Variants in PTPN12 observed in about 807,000 individuals in gnomAD.
The protein encoded by PTPN12 is protein tyrosine phosphatase non-receptor type 12.
PTPN12 carries 29 observed loss-of-function variants against 97.6 expected under a neutral mutation model. That is an observed-to-expected ratio of 0.30 (90% CI 0.22 to 0.41). PTPN12 has a LOEUF of 0.41. PTPN12 is among the 10% of genes least tolerant of loss of function. The pLI is 1.00. For synonymous variants in PTPN12, 327 were observed against 300.4 expected, an observed-to-expected ratio of 1.09 and a Z score of -0.91; for missense variants, 819 against 926.0, an observed-to-expected ratio of 0.88 and a Z score of 1.50.
At chr7:77,634,377 A>G (rs952232618) in intron 14 of PTPN12, among the ~76,000 whole-genome samples, 9 of 152,064 alleles carry the variant, frequency 5.9e-5, no homozygotes, top group African/African-American at 1.2e-4. Context: ...CATTTTACCA[A>G]TATATTAATT....
chr7:77,607,896 G>C (rs1248808544), intron 9 of PTPN12, among the ~76,000 whole-genome samples: 11 of 152,130 alleles, frequency 7.2e-5, no homozygotes, highest in Admixed American at 6.5e-4. Flanking sequence ...TGGGATTACA[G>C]GTGCCTGCCA....
intron 11 of PTPN12, among the ~76,000 whole-genome samples, chr7:77,613,984 C>A (rs546074222): frequency 1.3e-5 from 2 of 152,072 alleles, no homozygotes; most frequent in Admixed American, 6.5e-5. Context: ...CTCAACCTCC[C>A]GGACTCAAGC....
rs781265076 is a variant in PTPN12, at chr7:77,639,274, G to C, written c.2337G>C (p.Trp779Cys). ...PKGPRDPPSE[W>C]T is the part of the protein sequence containing the mutation. ...GACCAAGAGATCCACCTTCAGAATG[G>C]ACATGATTCAGGGAGCTAGAAGACA... The change falls in exon 18 of 18, where the codon TGG becomes TGC. Residue 779 changes from tryptophan (W) to cysteine (C), a missense_variant. Trp to Cys is a radical substitution (Grantham distance 215, BLOSUM62 -2). Coordinates refer to ENST00000248594, the MANE Select transcript of PTPN12 (RefSeq NM_002835.4). 4.3e-6 allele frequency: 7 copies of C among 1,611,820 alleles called. No homozygotes were observed. The African/African-American group carries it at 9.3e-5, about 22-fold the overall frequency.
At chr7:77,638,553 A>C (rs140527116) in intron 16 of PTPN12, 71 bp from the exon 17 acceptor site, 1 of 1,386,178 alleles carries the variant, frequency 7.2e-7, no homozygotes, top group African/African-American at 1.5e-5. Flanking sequence ...AACATTTAAA[A>C]AATTAAAGAG....
At chr7:77,558,909 G>C (rs181506521) in intron 1 of PTPN12, among the ~76,000 whole-genome samples, 3 of 152,164 alleles carry the variant, frequency 2.0e-5, no homozygotes, top group African/African-American at 7.2e-5. Context: ...GCTACTTTGG[G>C]AAGCTGAGGC....
intron 12 of PTPN12, 24 bp from the exon 13 acceptor site, chr7:77,626,681 C>T (rs2151394423): frequency 1.3e-6 from 2 of 1,566,792 alleles, no homozygotes; most frequent in Non-Finnish European, 1.7e-6. Flanking sequence ...CTTAAAATGC[C>T]CTTTTTAAAT....
intron 1 of PTPN12, among the ~76,000 whole-genome samples, chr7:77,569,876 A>G (rs1584122985): frequency 6.6e-6 from 1 of 152,196 alleles, no homozygotes; most frequent in South Asian, 2.1e-4. Context: ...CAATTCAGAG[A>G]CAGGGTCTTG....
chr7:77,600,503 GT>G (rs1483996324), intron 7 of PTPN12, among the ~76,000 whole-genome samples, 160 bp from the exon 8 acceptor site: 5 of 152,072 alleles, frequency 3.3e-5, no homozygotes, highest in Admixed American at 6.6e-5. Context: ...TTTGGCATGT[GT>G]TTAACAGTCA....
rs1208491377 is a variant in PTPN12, at chr7:77,537,721, A to C, written c.99+76A>C. 2.0e-6 allele frequency: 3 copies of C among 1,477,560 alleles called. No homozygotes were observed. The African/African-American group carries it at 4.3e-5, about 21-fold the overall frequency. 91.5% of individuals were successfully genotyped at this position (1,477,560 alleles called of 1,614,324 possible). A position where few individuals can be genotyped will look rare whatever the true frequency, so the allele number is the denominator to read the frequency against. ...CGCCGCCTCTCCCGGCCGGGCCGCC[A>C]GTGCTTTGTGTACCTCTGTGAGGAG... On this transcript the variant is annotated intron_variant, in intron 1 of 17. Transcript: ENST00000248594.
At chr7:77,626,539 G>A (rs542360211) in intron 12 of PTPN12, among the ~76,000 whole-genome samples, 166 bp from the exon 13 acceptor site, 1 of 152,280 alleles carries the variant, frequency 6.6e-6, no homozygotes, top group African/African-American at 2.4e-5. Flanking sequence ...AACAGTATAT[G>A]TGTATTACCT....
intron 1 of PTPN12, among the ~76,000 whole-genome samples, chr7:77,541,625 G>T (rs1806978548): frequency 6.6e-6 from 1 of 152,146 alleles, no homozygotes; most frequent in Non-Finnish European, 1.5e-5. Context: ...CTGTCATAAT[G>T]TATGAGTGTT....
At chr7:77,611,687 T>C (rs1197004288) in intron 11 of PTPN12, among the ~76,000 whole-genome samples, 1 of 152,194 alleles carries the variant, frequency 6.6e-6, no homozygotes, top group Non-Finnish European at 1.5e-5. Context: ...TCAGGTGGTC[T>C]GCCCGCCTTG....
At chr7:77,577,934 G>T (rs1027345693) in intron 2 of PTPN12, among the ~76,000 whole-genome samples, 8 of 152,120 alleles carry the variant, frequency 5.3e-5, no homozygotes, top group Non-Finnish European at 1.0e-4. Flanking sequence ...GCAAAATGTT[G>T]ATAATGAAGC....
rs951735889 is a variant in PTPN12, at chr7:77,626,493, A to G, written c.1026-212A>G. On this transcript the variant is annotated intron_variant, in intron 12 of 17. Coordinates refer to ENST00000248594, the MANE Select transcript of PTPN12 (RefSeq NM_002835.4). ...ACAGGAGGGCTGCGGGGCAGAGACT[A>G]TGTTTTTCATTCAAAGTCTTGTATT... Among the ~76,000 whole-genome samples the G allele has an allele frequency of 5.1e-4, 77 of 152,342 alleles. 1 individual carries two copies. Among genetic ancestry groups the G allele is most frequent in the Admixed American group, 2.3e-3 (35 of 15,294 alleles).
rs757319834 is a variant in PTPN12 at position 77,607,326 on chromosome 7, A to G, written c.762+25A>G. ...GGTAAGAATAATTTTTTGTAGCATT[A>G]TGTTCAATTGATCTATTATGATTTT... is the stretch of plus-strand genomic sequence containing the variant. On this transcript the variant is annotated intron_variant, in intron 9 of 17. Transcript: ENST00000248594. The G allele has an allele frequency of 6.8e-6, 10 of 1,474,766 alleles. 1 individual carries two copies. The East Asian group carries it at 2.3e-4, about 34-fold the overall frequency. The allele number at this position is 1,474,766 out of a possible 1,614,324, so 91.4% of individuals were successfully genotyped here. A position where few individuals can be genotyped will look rare whatever the true frequency, so the allele number is the denominator to read the frequency against.
chr7:77,578,194 A>G (rs892283065), intron 2 of PTPN12, among the ~76,000 whole-genome samples: 1 of 152,174 alleles, frequency 6.6e-6, no homozygotes, highest in Non-Finnish European at 1.5e-5. Flanking sequence ...AGAGGCTAAT[A>G]TGTCATATGA....
chr7:77,619,037 C>T lies in PTPN12; in HGVS notation c.1025+472C>T, dbSNP rs531748617. 2.6e-5 allele frequency among the ~76,000 whole-genome samples: 4 copies of T among 152,112 alleles called. No individual in the cohort carries two copies. In the South Asian group the frequency reaches 6.2e-4, roughly 24 times the overall value. On this transcript the variant is annotated intron_variant, in intron 12 of 17. Transcript: ENST00000248594. Reference sequence around the variant, plus strand: ...ATATTCATATCTTTCTTTTCCTTCCCTTCTTGTTCAGGGTAGCTGCTTAGT... The same window carrying T: ...ATATTCATATCTTTCTTTTCCTTCCTTTCTTGTTCAGGGTAGCTGCTTAGT...
At chr7:77,590,286 C>A (rs917862494) in intron 5 of PTPN12, among the ~76,000 whole-genome samples, 2 of 152,190 alleles carry the variant, frequency 1.3e-5, no homozygotes, top group African/African-American at 4.8e-5. Context: ...GAATGAGGGG[C>A]ATTGTTAGTC....
intron 6 of PTPN12, 24 bp downstream of exon 6, chr7:77,592,280 CT>C: frequency 6.3e-7 from 1 of 1,574,978 alleles, no homozygotes; most frequent in Non-Finnish European, 8.7e-7. Context: ...TTTGTAAACA[CT>C]TTTTTCAGAA....
Sources: gnomAD v4.1 joint callset for allele counts (sites outside exome capture counted in the v4.1 genomes callset) on GRCh38, gnomAD v4.1.1 for gene constraint, MANE v1.5 for transcripts, NCBI Gene and HGNC (gene_info 2026-07-23, HGNC 2026-07-21) for gene names.